The following FOXN3 variants were observed in gnomAD, a reference collection of about 807,000 sequenced individuals.
FOXN3 encodes the protein forkhead box protein N3.
A neutral mutation model predicts 38.4 loss-of-function variants in FOXN3; 7 were observed. The ratio of observed to expected loss-of-function variants is 0.18; its 90% CI spans 0.10 to 0.34. The LOEUF (loss-of-function observed/expected upper bound fraction) is 0.34, where lower values mean the gene tolerates loss of function less well. Among genes scored for constraint, FOXN3 ranks in the 10% least tolerant of loss-of-function variants. FOXN3 has a pLI of 1.00. For missense variants in FOXN3, 456 were observed against 613.4 expected (o/e 0.74, Z 2.71); for synonymous variants, 230 against 242.2 (o/e 0.95, Z 0.47).
intron 1 of FOXN3, among the ~76,000 whole-genome samples, chr14:89,526,597 A>C (rs1257748457): frequency 6.6e-6 from 1 of 152,186 alleles, no homozygotes; most frequent in African/African-American, 2.4e-5. Context: ...TACTGAAAGA[A>C]ATTAAGGACC....
At chr14:89,295,766 T>TTC (rs1401823515) in intron 3 of FOXN3, among the ~76,000 whole-genome samples, 1 of 149,106 alleles carries the variant, frequency 6.7e-6, no homozygotes, top group Non-Finnish European at 1.5e-5. Flanking sequence ...TTTTGCATTT[T>TTC]TTTTTTTTTT....
intron 5 of FOXN3, among the ~76,000 whole-genome samples, chr14:89,165,002 G>A (rs577209414): frequency 2.0e-5 from 3 of 152,182 alleles, no homozygotes; most frequent in South Asian, 2.1e-4. Context: ...CCGTACTGTC[G>A]TGTCCACCAG....
chr14:89,252,004 A>G (rs1481631969), intron 4 of FOXN3, among the ~76,000 whole-genome samples: 1 of 152,268 alleles, frequency 6.6e-6, no homozygotes, highest in Non-Finnish European at 1.5e-5. Flanking sequence ...AAACAGGGAT[A>G]GTTCTTTGGA....
intron 1 of FOXN3, among the ~76,000 whole-genome samples, chr14:89,547,382 G>C (rs1191675437): frequency 6.6e-6 from 1 of 152,146 alleles, no homozygotes; most frequent in Non-Finnish European, 1.5e-5. Context: ...AGTCTCCCAA[G>C]TAGCTGGGGC....
At chr14:89,310,897 AG>A (rs1175022880) in intron 3 of FOXN3, among the ~76,000 whole-genome samples, 1 of 150,660 alleles carries the variant, frequency 6.6e-6, no homozygotes, top group Non-Finnish European at 1.5e-5. Context: ...ACCTGAGGTC[AG>A]GAGTTTGAGA....
chr14:89,467,136 C>T (rs1892987095), intron 1 of FOXN3, among the ~76,000 whole-genome samples: 1 of 152,196 alleles, frequency 6.6e-6, no homozygotes, highest in African/African-American at 2.4e-5. Flanking sequence ...ATCACACCCC[C>T]TTCTCACGGT....
At chr14:89,556,295 C>T (rs527506177) in intron 1 of FOXN3, among the ~76,000 whole-genome samples, 1 of 151,528 alleles carries the variant, frequency 6.6e-6, no homozygotes, top group Non-Finnish European at 1.5e-5. Context: ...CCCACCTACT[C>T]GGGAGGCTGA....
In FOXN3 at chr14:89,483,174, T is replaced by G. The variant is rs1169713688; in HGVS notation, c.-14-70684A>C. On this transcript the variant is annotated intron_variant, in intron 1 of 6. Coordinates refer to the FOXN3 transcript ENST00000345097. ...CAGACCCAAGATCGCACCATTGCACTCTAGCCTGGGAGGCAGAGTGGGACT... is the reference window on the plus strand; with the variant it reads ...CAGACCCAAGATCGCACCATTGCACGCTAGCCTGGGAGGCAGAGTGGGACT... Among the ~76,000 whole-genome samples the G allele has an allele frequency of 5.3e-5, 8 of 152,090 alleles. No individual in the cohort carries two copies. In the East Asian group the frequency reaches 1.5e-3, roughly 29 times the overall value.
intron 1 of FOXN3, among the ~76,000 whole-genome samples, chr14:89,442,860 T>C (rs1892415789): frequency 6.6e-6 from 1 of 152,182 alleles, no homozygotes; most frequent in South Asian, 2.1e-4. Flanking sequence ...CAAACCAAAA[T>C]GGTGAATGGT....
intron 1 of FOXN3, among the ~76,000 whole-genome samples, chr14:89,555,882 G>GGTGTGTGTGT (rs1555360151): frequency 1.9e-5 from 2 of 104,602 alleles, no homozygotes; most frequent in Non-Finnish European, 2.0e-5. Flanking sequence ...TGTGTATGTG[G>GGTGTGTGTGT]GGGTGTATGT....
Position 89,186,733 on chromosome 14 carries a change from T to G in FOXN3, c.746-5927A>C, listed in dbSNP as rs117546230. Among the ~76,000 whole-genome samples the G allele has an allele frequency of 2.2e-4, 34 of 152,326 alleles. No homozygotes were observed. The East Asian group carries it at 6.6e-3, about 29-fold the overall frequency. ...AAAGTCTAAAAGGGCTAATGTCACA[T>G]GCACAGCGGATGCTGCCAGGAGGAC... On this transcript the variant is annotated intron_variant, in intron 4 of 5. Coordinates refer to ENST00000557258, the MANE Select transcript of FOXN3 (RefSeq NM_005197.4).
chr14:89,216,993 T>C (rs114867451), intron 4 of FOXN3, among the ~76,000 whole-genome samples: 1 of 152,244 alleles, frequency 6.6e-6, no homozygotes, highest in Non-Finnish European at 1.5e-5. Flanking sequence ...CCTGGCCCTA[T>C]GCTGTGCTGA....
At chr14:89,358,415 AAGGTCGAAAAGGAAGACCCCCATTGGGGG>A (rs1889322862) in intron 2 of FOXN3, among the ~76,000 whole-genome samples, 1 of 152,134 alleles carries the variant, frequency 6.6e-6, no homozygotes, top group South Asian at 2.1e-4. Flanking sequence ...CAAGTGCTCC[AAGGTCGAAAAGGAAGACCCCCATTGGGGG>A]ATACAGACAC....
chr14:89,512,226 T>C (rs1894107711), intron 1 of FOXN3, among the ~76,000 whole-genome samples: 1 of 152,186 alleles, frequency 6.6e-6, no homozygotes, highest in Non-Finnish European at 1.5e-5. Context: ...GGGAAGAGAC[T>C]TTTTCTCTAG....
At chr14:89,309,440 A>G (rs1887468025) in intron 3 of FOXN3, among the ~76,000 whole-genome samples, 1 of 152,208 alleles carries the variant, frequency 6.6e-6, no homozygotes, top group Admixed American at 6.5e-5. Flanking sequence ...GGCCTCTGGT[A>G]TTAGAATTAA....
chr14:89,618,307 T>C (rs1434118273), intron 1 of FOXN3, among the ~76,000 whole-genome samples: 3 of 152,158 alleles, frequency 2.0e-5, no homozygotes, highest in Admixed American at 1.3e-4. Flanking sequence ...AGATTGCATT[T>C]CCCTTCCCCA....
intron 4 of FOXN3, among the ~76,000 whole-genome samples, chr14:89,234,360 A>C (rs1045308295): frequency 1.3e-5 from 2 of 152,144 alleles, no homozygotes; most frequent in African/African-American, 4.8e-5. Flanking sequence ...CCTCCTCTTA[A>C]GCCTTGGCGT....
chr14:89,246,316 A>G (rs1486061499), intron 4 of FOXN3, among the ~76,000 whole-genome samples: 4 of 152,224 alleles, frequency 2.6e-5, no homozygotes, highest in East Asian at 3.9e-4. Context: ...GTTAAAACAT[A>G]TATTTTCCCG....
Position 89,546,329 on chromosome 14 carries a change from CTTTTTT to C in FOXN3, c.-15+72693_-15+72698del, listed in dbSNP as rs1157998619. Among the ~76,000 whole-genome samples, 2 of 78,314 alleles carry C rather than the reference CTTTTTT, an allele frequency of 2.6e-5. 1 individual carries two copies. The highest frequency in any genetic ancestry group is 4.5e-5 in the Non-Finnish European group (2 of 44,122). The allele number at this position is 78,314 out of a possible 152,430, so 51.4% of individuals were successfully genotyped here. On this transcript the variant is annotated intron_variant, in intron 1 of 6. Transcript: ENST00000345097. The stretch of plus-strand genomic sequence containing the variant: ...TAGCTTCTTTTCTTTTTTCCTTTTT[CTTTTTT>C]TTTTTTTTTTTTTGAGATGGAGTCT...
Sources: gnomAD v4.1 joint callset for allele counts (sites outside exome capture counted in the v4.1 genomes callset) on GRCh38, gnomAD v4.1.1 for gene constraint, MANE v1.5 for transcripts, NCBI Gene and HGNC (gene_info 2026-07-23, HGNC 2026-07-21) for gene names.